Variants in RARB observed in about 807,000 individuals in gnomAD.
The protein encoded by RARB is HBV-activated protein.
RARB carries 17 observed loss-of-function variants against 51.9 expected under a neutral mutation model. The ratio of observed to expected loss-of-function variants is 0.33; its 90% CI spans 0.22 to 0.49. The LOEUF (loss-of-function observed/expected upper bound fraction) is 0.49, where lower values mean the gene tolerates loss of function less well. RARB is among the 20% of genes least tolerant of loss of function. The probability of loss-of-function intolerance (pLI) is 0.99; values close to 1 mark genes in which losing one functional copy is unlikely to be tolerated. For synonymous variants in RARB, 215 were observed against 195.4 expected, an observed-to-expected ratio of 1.10 and a Z score of -0.84; for missense variants, 369 against 550.8, an observed-to-expected ratio of 0.67 and a Z score of 3.30.
intron 3 of RARB, among the ~76,000 whole-genome samples, chr3:25,548,728 G>A (rs553175084): frequency 6.6e-6 from 1 of 150,932 alleles, no homozygotes; most frequent in Non-Finnish European, 1.5e-5. Flanking sequence ...CTGAAGAAAA[G>A]TGACAGGTTG....
rs150257287 is a variant in RARB at position 25,502,280 on chromosome 3, G to A, written c.448+957G>A. ...GCACCCCAATCATGATCCTCTAATG[G>A]AGTTGGAGGAATTACATTATGAATC... On this transcript the variant is annotated intron_variant, in intron 3 of 7. Transcript: ENST00000330688. Among the ~76,000 whole-genome samples the A allele has an allele frequency of 1.1e-3, 169 of 152,306 alleles. 1 individual carries two copies. Among genetic ancestry groups the A allele is most frequent in the African/African-American group, 3.9e-3 (164 of 41,556 alleles).
At chr3:25,445,766 A>G (rs1708903807) in intron 1 of RARB, among the ~76,000 whole-genome samples, 1 of 152,244 alleles carries the variant, frequency 6.6e-6, no homozygotes, top group Non-Finnish European at 1.5e-5. Flanking sequence ...TCTCTAAACA[A>G]GAACAAAAAA....
At chr3:25,160,507 T>C (rs1031634350) in intron 4 of RARB, among the ~76,000 whole-genome samples, 7 of 152,100 alleles carry the variant, frequency 4.6e-5, no homozygotes, top group Non-Finnish European at 7.4e-5. Flanking sequence ...ACACCACACA[T>C]TGGATTTTCC....
intron 5 of RARB, among the ~76,000 whole-genome samples, chr3:25,276,415 T>C (rs1315944013): frequency 6.6e-6 from 1 of 152,232 alleles, no homozygotes; most frequent in Non-Finnish European, 1.5e-5. Flanking sequence ...AATAAATATG[T>C]ACAATTGTTG....
At position 24,952,705 on chromosome 3, in the gene RARB, G is replaced by A. The variant is rs1299347401; in HGVS notation, c.-380+93953G>A. On this transcript the variant is annotated intron_variant, in intron 2 of 11. Coordinates refer to the RARB transcript ENST00000383772. ...CTGCTTTGTGTACCTGCTTTTCAAAGCTCTCGCTCCCCCATTATCTCCTGT... is the reference window on the plus strand; with the variant it reads ...CTGCTTTGTGTACCTGCTTTTCAAAACTCTCGCTCCCCCATTATCTCCTGT... 2.6e-5 allele frequency among the ~76,000 whole-genome samples: 4 copies of A among 152,150 alleles called. No homozygotes were observed. In the East Asian group the frequency reaches 7.7e-4, roughly 29 times the overall value.
In RARB at chr3:25,593,483, C is replaced by A; in HGVS notation, c.787-20C>A. On this transcript the variant is annotated intron_variant, in intron 5 of 7. Coordinates refer to ENST00000330688, the MANE Select transcript of RARB (RefSeq NM_000965.5). The stretch of plus-strand genomic sequence containing the variant: ...GGACAGGATGGCTTAGAACATCCAT[C>A]AATTTTTTTTTCCTTCCAGATTCTT... The A allele has an allele frequency of 6.3e-7, 1 of 1,599,134 alleles. No homozygotes were observed. Among genetic ancestry groups the A allele is most frequent in the South Asian group, 1.1e-5 (1 of 90,704 alleles).
At chr3:24,947,663 T>C (rs1695803953) in intron 2 of RARB, among the ~76,000 whole-genome samples, 1 of 152,196 alleles carries the variant, frequency 6.6e-6, no homozygotes, top group South Asian at 2.1e-4. Flanking sequence ...CACTCTGGTA[T>C]GGTAAGAGTA....
chr3:24,958,763 G>A (rs1393181022), intron 2 of RARB, among the ~76,000 whole-genome samples: 1 of 152,134 alleles, frequency 6.6e-6, no homozygotes, highest in Non-Finnish European at 1.5e-5. Context: ...ATAAGTCTTT[G>A]GCCATGAAAA....
At chr3:25,128,804 C>G (rs1010677419) in intron 3 of RARB, among the ~76,000 whole-genome samples, 2 of 150,896 alleles carry the variant, frequency 1.3e-5, no homozygotes, top group African/African-American at 4.9e-5. Context: ...ATGATGAACT[C>G]GAGGAAATTT....
At chr3:24,939,900 A>G (rs1412286671) in intron 2 of RARB, among the ~76,000 whole-genome samples, 4 of 152,260 alleles carry the variant, frequency 2.6e-5, no homozygotes, top group Non-Finnish European at 4.4e-5. Context: ...GAAGTTCTCA[A>G]TACAATCTAT....
chr3:25,306,929 T>C (rs322691), intron 5 of RARB, among the ~76,000 whole-genome samples: 32,920 of 152,024 alleles, frequency 0.22, 3,967 homozygotes, highest in South Asian at 0.43. Context: ...GTGCACTCTT[T>C]CCTTGCCCAG....
At chr3:25,152,346 G>A (rs1203318230) in intron 4 of RARB, among the ~76,000 whole-genome samples, 2 of 152,070 alleles carry the variant, frequency 1.3e-5, no homozygotes, top group African/African-American at 4.8e-5. Context: ...TTTTAAGTTG[G>A]CACAAAATAT....
intron 2 of RARB, among the ~76,000 whole-genome samples, chr3:25,463,215 A>G (rs1180382176): frequency 3.9e-5 from 6 of 152,060 alleles, no homozygotes; most frequent in Admixed American, 3.3e-4. Flanking sequence ...GTAATAAGTG[A>G]TATAGATATG....
At chr3:25,303,853 A>G (rs1704095894) in intron 5 of RARB, among the ~76,000 whole-genome samples, 1 of 152,156 alleles carries the variant, frequency 6.6e-6, no homozygotes. Context: ...TGCAAATTGC[A>G]GAGTCCAGGG....
chr3:25,518,025 A>G (rs115056838), intron 3 of RARB, among the ~76,000 whole-genome samples: 1,756 of 152,322 alleles, frequency 0.012, 18 homozygotes, highest in Non-Finnish European at 0.018. Context: ...TAATGGAAAT[A>G]TTCTGGACTT....
chr3:25,580,779 G>A, intron 5 of RARB, 57 bp downstream of exon 5: 1 of 1,477,774 alleles, frequency 6.8e-7, no homozygotes, highest in Non-Finnish European at 9.2e-7. Context: ...GCACCGTGGA[G>A]GGGAGGGAGG....
intron 2 of RARB, among the ~76,000 whole-genome samples, chr3:25,039,441 C>A (rs1698068847): frequency 2.0e-5 from 3 of 152,220 alleles, no homozygotes; most frequent in African/African-American, 7.2e-5. Flanking sequence ...CAGTAACTTA[C>A]TAGTAATTTT....
chr3:25,560,383 C>G (rs543343096), intron 3 of RARB, among the ~76,000 whole-genome samples: 1 of 152,182 alleles, frequency 6.6e-6, no homozygotes. Flanking sequence ...AATATCTTAA[C>G]GGTATTTGGC....
intron 5 of RARB, among the ~76,000 whole-genome samples, chr3:25,273,194 A>G (rs371635646): frequency 2.0e-5 from 3 of 152,168 alleles, no homozygotes; most frequent in Non-Finnish European, 2.9e-5. Context: ...GTGGATCTAC[A>G]TGTCATATTA....
Sources: allele counts gnomAD v4.1 joint callset (sites outside exome capture counted in the v4.1 genomes callset), GRCh38; gene constraint gnomAD v4.1.1; transcripts MANE v1.5; gene names NCBI Gene and HGNC (gene_info 2026-07-23, HGNC 2026-07-21).